SHISA9: variants seen among roughly 807,000 people sequenced by gnomAD.
SHISA9 encodes protein shisa-9.
SHISA9 carries 13 observed loss-of-function variants against 38.0 expected under a neutral mutation model. The ratio of observed to expected loss-of-function variants is 0.34; its 90% CI spans 0.22 to 0.54. The LOEUF is 0.54. Ranked by LOEUF, SHISA9 falls within the 20% of genes least tolerant of loss-of-function variation. The pLI, the probability that SHISA9 is intolerant of heterozygous loss-of-function variation, is 0.91. For missense variants in SHISA9, 538 were observed against 575.8 expected, an observed-to-expected ratio of 0.93 and a Z score of 0.67; for synonymous variants, 275 against 242.0, an observed-to-expected ratio of 1.14 and a Z score of -1.27.
chr16:13,076,977 G>A (rs2073589792), intron 2 of SHISA9, among the ~76,000 whole-genome samples: 1 of 152,202 alleles, frequency 6.6e-6, no homozygotes, highest in African/African-American at 2.4e-5. Context: ...CACTTTGCCT[G>A]GGTTACAACC....
At chr16:12,994,833 G>T (rs1025941836) in intron 2 of SHISA9, among the ~76,000 whole-genome samples, 1 of 152,130 alleles carries the variant, frequency 6.6e-6, no homozygotes, top group African/African-American at 2.4e-5. Context: ...GTGGATAGAG[G>T]TCCCATTTAC....
In SHISA9 at chr16:13,008,941, G is replaced by A. The variant is rs1480326094; in HGVS notation, c.691+92126G>A. Among the ~76,000 whole-genome samples the A allele has an allele frequency of 3.3e-5, 5 of 152,134 alleles. No homozygotes were observed. In the East Asian group the frequency reaches 9.7e-4, roughly 29 times the overall value. On this transcript the variant is annotated intron_variant, in intron 2 of 4. Coordinates refer to ENST00000558583, the MANE Select transcript of SHISA9 (RefSeq NM_001145204.3). ...AAATTATCCATAAAACAGTAGGTGG[G>A]CAACATAAGATAGCTTACAAACAAG...
At chr16:13,501,968 C>T in the SHISA9 span, among the ~76,000 whole-genome samples, 2 of 150,586 alleles carry the variant, frequency 1.3e-5, no homozygotes, top group African/African-American at 4.9e-5. Flanking sequence ...CACCATTGCA[C>T]TGCAGCCTGG....
intron 2 of SHISA9, among the ~76,000 whole-genome samples, chr16:13,004,109 C>A (rs2072564617): frequency 6.6e-6 from 1 of 152,112 alleles, no homozygotes; most frequent in Non-Finnish European, 1.5e-5. Context: ...TGCTTTCCAC[C>A]TGTTGAGGAG....
At chr16:13,453,237 T>C in the SHISA9 span, among the ~76,000 whole-genome samples, 3 of 152,194 alleles carry the variant, frequency 2.0e-5, no homozygotes, top group African/African-American at 7.2e-5. Context: ...TTTTTGCCCT[T>C]GCAATATGGG....
the SHISA9 span, among the ~76,000 whole-genome samples, chr16:13,553,481 A>C: frequency 1.3e-5 from 2 of 152,166 alleles, no homozygotes; most frequent in Non-Finnish European, 2.9e-5. Context: ...ACCTAGCAAA[A>C]AGGTAAAGCA....
At chr16:13,060,937 C>A (rs545178866) in intron 2 of SHISA9, among the ~76,000 whole-genome samples, 1 of 152,240 alleles carries the variant, frequency 6.6e-6, no homozygotes, top group Non-Finnish European at 1.5e-5. Context: ...GACTGAGGGC[C>A]GCATGGGGTC....
At chr16:13,131,592 C>T (rs1480556062) in intron 2 of SHISA9, among the ~76,000 whole-genome samples, 1 of 151,872 alleles carries the variant, frequency 6.6e-6, no homozygotes, top group Non-Finnish European at 1.5e-5. Context: ...AGCAAACCTG[C>T]ACATCCTACA....
the SHISA9 span, among the ~76,000 whole-genome samples, chr16:13,462,070 G>T: frequency 1.3e-5 from 2 of 151,688 alleles, no homozygotes; most frequent in Non-Finnish European, 1.5e-5. Flanking sequence ...AGGAGTTCAA[G>T]ACCAGGCTGA....
At chr16:13,416,035 G>A in the SHISA9 span, among the ~76,000 whole-genome samples, 1 of 152,080 alleles carries the variant, frequency 6.6e-6, no homozygotes, top group Non-Finnish European at 1.5e-5. Flanking sequence ...TCTTTTACTT[G>A]TTCTGGGCCA....
At chr16:13,553,798 C>T in the SHISA9 span, among the ~76,000 whole-genome samples, 1 of 152,180 alleles carries the variant, frequency 6.6e-6, no homozygotes, top group Non-Finnish European at 1.5e-5. Context: ...CTTTAGTTAG[C>T]GCCAATTAAC....
intron 2 of SHISA9, among the ~76,000 whole-genome samples, chr16:13,147,609 C>T (rs1567227575): frequency 6.6e-6 from 1 of 151,966 alleles, no homozygotes; most frequent in Non-Finnish European, 1.5e-5. Flanking sequence ...ACTACAGGTG[C>T]ACAACACCAC....
the SHISA9 span, among the ~76,000 whole-genome samples, chr16:13,530,442 G>A: frequency 2.0e-5 from 3 of 152,134 alleles, no homozygotes; most frequent in Admixed American, 2.0e-4. Context: ...GTTATTGTGT[G>A]GATTAAATTT....
the SHISA9 span, among the ~76,000 whole-genome samples, chr16:13,435,252 CTGAGATAACTATATG>C: frequency 3.3e-5 from 5 of 150,684 alleles, no homozygotes; most frequent in African/African-American, 1.2e-4. Flanking sequence ...GTAAATGTAA[CTGAGATAACTATATG>C]TCAGGAGCAC....
intron 4 of SHISA9, among the ~76,000 whole-genome samples, chr16:13,223,463 G>T (rs1269542240): frequency 6.6e-6 from 1 of 152,008 alleles, no homozygotes; most frequent in African/African-American, 2.4e-5. Context: ...TATAAAACTG[G>T]TGCATTGAAT....
chr16:13,426,492 G>T, the SHISA9 span, among the ~76,000 whole-genome samples: 1 of 152,132 alleles, frequency 6.6e-6, no homozygotes, highest in East Asian at 1.9e-4. Flanking sequence ...CCTTTCCCCT[G>T]CCATCAGGGT....
intron 2 of SHISA9, among the ~76,000 whole-genome samples, chr16:13,148,896 G>C (rs761103521): frequency 1.3e-5 from 2 of 151,874 alleles, no homozygotes; most frequent in Non-Finnish European, 2.9e-5. Flanking sequence ...TAGCTCCCCC[G>C]AGGTTAAATA....
the SHISA9 span, among the ~76,000 whole-genome samples, chr16:13,522,708 C>G: frequency 2.6e-5 from 4 of 152,238 alleles, no homozygotes; most frequent in East Asian, 7.7e-4. Context: ...TAATGTAGGC[C>G]ACAGCCATCC....
At chr16:13,469,381 GAAAGAAAGAAAGAAA>G in the SHISA9 span, among the ~76,000 whole-genome samples, 1 of 100,392 alleles carries the variant, frequency 1.0e-5, no homozygotes, top group South Asian at 4.1e-4. Context: ...AAGAAAGAAA[GAAAGAAAGAAAGAAA>G]GAAAGAAAGA....
Sources: allele counts gnomAD v4.1 joint callset (sites outside exome capture counted in the v4.1 genomes callset), GRCh38; gene constraint gnomAD v4.1.1; transcripts MANE v1.5; gene names NCBI Gene and HGNC (gene_info 2026-07-23, HGNC 2026-07-21).